CNTNAP5: variants seen among roughly 807,000 people sequenced by gnomAD.
CNTNAP5 encodes contactin-associated protein-like 5.
CNTNAP5 carries 72 observed loss-of-function variants against 150.2 expected under a neutral mutation model. The ratio of observed to expected loss-of-function variants is 0.48; its 90% confidence interval spans 0.40 to 0.58. The LOEUF is 0.58. Ranked by LOEUF, CNTNAP5 falls within the 20% of genes least tolerant of loss-of-function variation. The probability of loss-of-function intolerance (pLI) is 0.00; values close to 1 mark genes in which losing one functional copy is unlikely to be tolerated. For synonymous variants in CNTNAP5, 672 were observed against 619.8 expected, an observed-to-expected ratio of 1.08 and a Z score of -1.25; for missense variants, 1,636 against 1,626.2, an observed-to-expected ratio of 1.01 and a Z score of -0.10.
At chr2:124,884,171 T>TATGC (rs1678031864) in intron 21 of CNTNAP5, among the ~76,000 whole-genome samples, 1 of 152,108 alleles carries the variant, frequency 6.6e-6, no homozygotes, top group Non-Finnish European at 1.5e-5. Flanking sequence ...TGCATGTCTG[T>TATGC]ATGCATGCAC....
intron 1 of CNTNAP5, among the ~76,000 whole-genome samples, chr2:124,057,008 TA>T (rs2104648872): frequency 6.6e-6 from 1 of 152,288 alleles, no homozygotes; most frequent in Admixed American, 6.5e-5. Flanking sequence ...TTTACTTACC[TA>T]GGCTGTGAAA....
intron 1 of CNTNAP5, among the ~76,000 whole-genome samples, chr2:124,204,284 C>T (rs1015276131): frequency 2.0e-5 from 3 of 152,202 alleles, no homozygotes; most frequent in Non-Finnish European, 4.4e-5. Context: ...ACAAGTTCCT[C>T]ATCTTCATCT....
chr2:124,134,865 G>C (rs556633116), intron 1 of CNTNAP5, among the ~76,000 whole-genome samples: 1 of 152,118 alleles, frequency 6.6e-6, no homozygotes, highest in Non-Finnish European at 1.5e-5. Context: ...AATAAACTAG[G>C]CTTCAAATTG....
At chr2:124,311,370 G>A (rs1573908145) in intron 3 of CNTNAP5, among the ~76,000 whole-genome samples, 1 of 152,134 alleles carries the variant, frequency 6.6e-6, no homozygotes. Context: ...TTCTCATGGA[G>A]TCCTCACATA....
intron 21 of CNTNAP5, among the ~76,000 whole-genome samples, chr2:124,890,364 A>G (rs1558815118): frequency 6.6e-6 from 1 of 152,096 alleles, no homozygotes; most frequent in Admixed American, 6.6e-5. Context: ...TAGCTCCCTC[A>G]CCATCCATAG....
intron 1 of CNTNAP5, among the ~76,000 whole-genome samples, chr2:124,043,340 G>A (rs1223865061): frequency 6.6e-6 from 1 of 152,126 alleles, no homozygotes; most frequent in East Asian, 1.9e-4. Flanking sequence ...ATAGTTGGTA[G>A]GACATTCTTT....
intron 12 of CNTNAP5, among the ~76,000 whole-genome samples, chr2:124,611,822 G>C (rs955376914): frequency 2.0e-5 from 3 of 152,188 alleles, no homozygotes; most frequent in Non-Finnish European, 4.4e-5. Context: ...TGGTATAATG[G>C]ACAGCAATTA....
At chr2:124,865,567 G>T (rs558838955) in intron 20 of CNTNAP5, 131 bp downstream of exon 20, 6 of 811,996 alleles carry the variant, frequency 7.4e-6, no homozygotes, top group African/African-American at 5.2e-5. Flanking sequence ...CTTGCCCCCA[G>T]ACTTGGAAGA....
Position 124,867,567 on chromosome 2 carries a change from A to G in CNTNAP5, c.3349-2108A>G, listed in dbSNP as rs535140526. Among the ~76,000 whole-genome samples, 13 of 152,148 alleles carry G rather than the reference A, an allele frequency of 8.5e-5. No individual in the cohort carries two copies. The South Asian group carries it at 2.3e-3, about 27-fold the overall frequency. On this transcript the variant is annotated intron_variant, in intron 20 of 23. Transcript: ENST00000682447. ...GACCTAAGTCTTTATTGCTTGCCCA[A>G]TACAACTCTCGCCTGTTGATCCTTC...
intron 10 of CNTNAP5, among the ~76,000 whole-genome samples, chr2:124,529,195 C>T (rs1237942885): frequency 4.6e-5 from 7 of 151,912 alleles, no homozygotes; most frequent in African/African-American, 1.7e-4. Context: ...GACCAATAGT[C>T]TTTAGTAATG....
intron 14 of CNTNAP5, among the ~76,000 whole-genome samples, chr2:124,749,888 C>A (rs899419430): frequency 6.6e-6 from 1 of 152,144 alleles, no homozygotes; most frequent in Non-Finnish European, 1.5e-5. Flanking sequence ...AAAAGCGTGG[C>A]CTTATATCCC....
chr2:124,419,898 T>TTCTTTC (rs1475800973), intron 4 of CNTNAP5, among the ~76,000 whole-genome samples: 1 of 83,272 alleles, frequency 1.2e-5, no homozygotes, highest in East Asian at 3.1e-4. Context: ...TGGATTGGTT[T>TTCTTTC]TCTTTCTTTC....
At chr2:124,730,715 A>G (rs1680252653) in intron 13 of CNTNAP5, among the ~76,000 whole-genome samples, 1 of 152,140 alleles carries the variant, frequency 6.6e-6, no homozygotes, top group African/African-American at 2.4e-5. Context: ...CCAATTTCAT[A>G]TATTTTATGA....
chr2:124,085,725 A>AT, intron 1 of CNTNAP5, among the ~76,000 whole-genome samples: 1 of 152,106 alleles, frequency 6.6e-6, no homozygotes, highest in East Asian at 1.9e-4. Context: ...AGTTTGATGT[A>AT]TTTTTTATTA....
intron 11 of CNTNAP5, among the ~76,000 whole-genome samples, chr2:124,565,492 T>G (rs1160514033): frequency 1.5e-5 from 2 of 135,950 alleles, no homozygotes; most frequent in Non-Finnish European, 3.2e-5. Context: ...AAATTAAAAA[T>G]AAAAATACAA....
chr2:124,590,194 C>T (rs2104959123), intron 11 of CNTNAP5, among the ~76,000 whole-genome samples: 1 of 152,244 alleles, frequency 6.6e-6, no homozygotes, highest in South Asian at 2.1e-4. Flanking sequence ...AAACTTTGTA[C>T]TTTATAAATT....
At chr2:124,839,177 C>A (rs954856059) in intron 19 of CNTNAP5, among the ~76,000 whole-genome samples, 4 of 151,874 alleles carry the variant, frequency 2.6e-5, no homozygotes, top group African/African-American at 4.8e-5. Flanking sequence ...ATGGTTTGTG[C>A]AGAGGTTCTC....
At chr2:124,828,760 A>G (rs1253841249) in intron 19 of CNTNAP5, among the ~76,000 whole-genome samples, 1 of 148,634 alleles carries the variant, frequency 6.7e-6, no homozygotes, top group Non-Finnish European at 1.5e-5. Context: ...AAAAAAAAAA[A>G]AAAAAAAAAA....
intron 4 of CNTNAP5, among the ~76,000 whole-genome samples, chr2:124,422,025 C>A (rs1458577291): frequency 6.6e-6 from 1 of 152,162 alleles, no homozygotes; most frequent in African/African-American, 2.4e-5. Context: ...TACCATGAGA[C>A]CAGGCACCTT....
Sources: gnomAD v4.1 joint callset for allele counts (sites outside exome capture counted in the v4.1 genomes callset) on GRCh38, gnomAD v4.1.1 for gene constraint, MANE v1.5 for transcripts, NCBI Gene and HGNC (gene_info 2026-07-23, HGNC 2026-07-21) for gene names.